The following CHRM3 variants were observed in gnomAD, a reference collection of about 807,000 sequenced individuals.
CHRM3 encodes cholinergic receptor muscarinic 3.
Under a neutral mutation model 41.8 loss-of-function variants are expected in CHRM3, and 11 were observed. That is an observed-to-expected ratio of 0.26 (90% confidence interval 0.17 to 0.44). The LOEUF (loss-of-function observed/expected upper bound fraction) is 0.44. Among genes scored for constraint, CHRM3 ranks in the 20% least tolerant of loss-of-function variants. CHRM3 has a pLI of 1.00. For synonymous variants in CHRM3, 297 were observed against 301.4 expected (o/e 0.99, Z 0.15); for missense variants, 571 against 745.4 (o/e 0.77, Z 2.72).
intron 5 of CHRM3, among the ~76,000 whole-genome samples, chr1:239,722,299 A>T (rs534167577): frequency 1.1e-4 from 16 of 152,056 alleles, no homozygotes; most frequent in Middle Eastern, 6.8e-3. Context: ...AAACAGAAAG[A>T]ACCTGACAGA....
chr1:239,783,781 G>A (rs1427437264), intron 5 of CHRM3, among the ~76,000 whole-genome samples: 1 of 152,150 alleles, frequency 6.6e-6, no homozygotes, highest in Non-Finnish European at 1.5e-5. Context: ...ATGATGCTGA[G>A]GTTTGGGGTA....
At chr1:239,608,902 G>C (rs1249332345) in intron 3 of CHRM3, among the ~76,000 whole-genome samples, 1 of 151,672 alleles carries the variant, frequency 6.6e-6, no homozygotes, top group Non-Finnish European at 1.5e-5. Context: ...TTTTCTGTTT[G>C]CATACATTGC....
intron 5 of CHRM3, among the ~76,000 whole-genome samples, chr1:239,700,278 C>A (rs1660565455): frequency 6.6e-6 from 1 of 152,118 alleles, no homozygotes; most frequent in Admixed American, 6.5e-5. Context: ...AACCTCACAT[C>A]CCATCTAATA....
At chr1:239,544,799 C>A (rs779575936) in intron 2 of CHRM3, among the ~76,000 whole-genome samples, 4 of 152,138 alleles carry the variant, frequency 2.6e-5, no homozygotes, top group Non-Finnish European at 5.9e-5. Flanking sequence ...GACAGAGAAC[C>A]AATGAGATGT....
intron 3 of CHRM3, among the ~76,000 whole-genome samples, chr1:239,585,112 T>C (rs1663281335): frequency 6.6e-6 from 1 of 151,320 alleles, no homozygotes; most frequent in South Asian, 2.1e-4. Flanking sequence ...TACACATGTA[T>C]ACATATACAT....
intron 1 of CHRM3, among the ~76,000 whole-genome samples, chr1:239,467,332 C>T (rs1408733766): frequency 6.6e-6 from 1 of 152,014 alleles, no homozygotes; most frequent in Non-Finnish European, 1.5e-5. Context: ...GACAGATTCT[C>T]GCTCTGTCAC....
At chr1:239,825,717 TA>T (rs1558156774) in intron 5 of CHRM3, among the ~76,000 whole-genome samples, 2 of 152,270 alleles carry the variant, frequency 1.3e-5, no homozygotes, top group East Asian at 1.9e-4. Context: ...AAATTCTTTT[TA>T]TTTTTTTTTA....
At chr1:239,595,289 T>C (rs1234228566) in intron 3 of CHRM3, among the ~76,000 whole-genome samples, 1 of 152,210 alleles carries the variant, frequency 6.6e-6, no homozygotes, top group Non-Finnish European at 1.5e-5. Context: ...TACCATTTTA[T>C]ATCACGGACT....
intron 6 of CHRM3, among the ~76,000 whole-genome samples, chr1:239,883,477 A>G (rs150686178): frequency 4.6e-5 from 7 of 152,312 alleles, no homozygotes; most frequent in African/African-American, 1.2e-4. Context: ...TGGCATGTTT[A>G]TATTACTTAT....
At chr1:239,522,709 G>A (rs1197557140) in intron 2 of CHRM3, among the ~76,000 whole-genome samples, 1 of 152,122 alleles carries the variant, frequency 6.6e-6, no homozygotes, top group South Asian at 2.1e-4. Context: ...TTTAGACTTC[G>A]AGTCCACTTT....
chr1:239,706,338 AT>A (rs1661162140), intron 5 of CHRM3: 1 of 152,076 alleles, frequency 6.6e-6, no homozygotes, highest in African/African-American at 2.4e-5. Flanking sequence ...AATCCAAGAG[AT>A]GGAAAGATTC....
intron 4 of CHRM3, among the ~76,000 whole-genome samples, chr1:239,673,607 A>T (rs924568692): frequency 1.3e-5 from 2 of 152,112 alleles, no homozygotes; most frequent in Non-Finnish European, 2.9e-5. Context: ...TAAGAATGAG[A>T]TTATGATTTT....
chr1:239,431,853 C>T (rs555784505), intron 1 of CHRM3, among the ~76,000 whole-genome samples: 1 of 152,254 alleles, frequency 6.6e-6, no homozygotes, highest in African/African-American at 2.4e-5. Context: ...TATCCGGATA[C>T]TTCCCCTCGA....
chr1:239,835,331 A>T (rs1673221759), intron 6 of CHRM3, among the ~76,000 whole-genome samples: 1 of 152,138 alleles, frequency 6.6e-6, no homozygotes, highest in Admixed American at 6.5e-5. Flanking sequence ...CCTTCCTTCA[A>T]TGAGGACATT....
chr1:239,771,087 C>CAAA (rs1344290628), intron 5 of CHRM3, among the ~76,000 whole-genome samples: 1 of 133,648 alleles, frequency 7.5e-6, no homozygotes. Flanking sequence ...GACTCCATCT[C>CAAA]AAAAAAAAAA....
chr1:239,842,446 G>C lies in CHRM3; in HGVS notation c.-20+15068G>C, dbSNP rs138252778. On this transcript the variant is annotated intron_variant, in intron 6 of 6. Coordinates refer to ENST00000676153, the MANE Select transcript of CHRM3 (RefSeq NM_001375978.1). ...GACGGGGTTTCACCATGATGGCCAG[G>C]TTAGTCTCGAACTCCTGACATCAGG... Among the ~76,000 whole-genome samples the C allele has an allele frequency of 6.9e-3, 1,057 of 152,210 alleles. 13 individuals are homozygous for C. The highest frequency in any genetic ancestry group is 0.024 in the African/African-American group (1,001 of 41,536).
chr1:239,552,700 C>T (rs1428184112), intron 3 of CHRM3, among the ~76,000 whole-genome samples: 6 of 149,482 alleles, frequency 4.0e-5, no homozygotes, highest in South Asian at 2.1e-4. Flanking sequence ...TTAATTGCCC[C>T]GGCTGGTCCC....
At chr1:239,577,847 G>A (rs1446726775) in intron 3 of CHRM3, among the ~76,000 whole-genome samples, 1 of 151,922 alleles carries the variant, frequency 6.6e-6, no homozygotes, top group Non-Finnish European at 1.5e-5. Context: ...CACTTTCCTT[G>A]TCACTGGCAT....
At chr1:239,802,075 T>G (rs919232827) in intron 5 of CHRM3, among the ~76,000 whole-genome samples, 2 of 151,972 alleles carry the variant, frequency 1.3e-5, no homozygotes, top group Non-Finnish European at 2.9e-5. Context: ...TTCACTATAA[T>G]GAATCCCTGA....
Sources: gnomAD v4.1 joint callset for allele counts (sites outside exome capture counted in the v4.1 genomes callset) on GRCh38, gnomAD v4.1.1 for gene constraint, MANE v1.5 for transcripts, NCBI Gene and HGNC (gene_info 2026-07-23, HGNC 2026-07-21) for gene names.